Variants in IRAG1 observed in about 807,000 individuals in gnomAD.
IRAG1 encodes inositol 1,4,5-triphosphate receptor associated 1.
IRAG1 carries 62 observed loss-of-function variants against 106.2 expected under a neutral mutation model. That is an observed-to-expected ratio of 0.58 (90% confidence interval 0.48 to 0.72). IRAG1 has a LOEUF of 0.72. Ranked by LOEUF, IRAG1 falls within the 30% of genes least tolerant of loss-of-function variation. The pLI, the probability that IRAG1 is intolerant of heterozygous loss-of-function variation, is 0.00. For synonymous variants in IRAG1, 462 were observed against 443.9 expected, an observed-to-expected ratio of 1.04 and a Z score of -0.51; for missense variants, 1,064 against 1,140.7, an observed-to-expected ratio of 0.93 and a Z score of 0.97.
intron 18 of IRAG1, among the ~76,000 whole-genome samples, chr11:10,585,670 T>C (rs936344837): frequency 1.5e-5 from 2 of 132,018 alleles, no homozygotes; most frequent in Non-Finnish European, 3.4e-5. Context: ...CCCAAGATCA[T>C]ACAACCAGTG....
rs1182711559 is a variant in IRAG1, at chr11:10,576,455, G to A, written c.2616C>T (p.Tyr872=). 1.2e-6 allele frequency: 2 copies of A among 1,613,858 alleles called. No individual in the cohort carries two copies. The highest frequency in any genetic ancestry group is 1.7e-6 in the Non-Finnish European group (2 of 1,179,904). The change falls in exon 21 of 21, where the codon TAC becomes TAT. Residue 872 remains tyrosine, a synonymous_variant. Coordinates refer to ENST00000423302, the MANE Select transcript of IRAG1 (RefSeq NM_130385.4). ...MLVLTVVLGL[Y]NSYNSCAEQA... The stretch of plus-strand genomic sequence containing the variant: ...GCTCTGCACAAGAGTTATAGGAATT[G>A]TAGAGCCCCAGCACAACAGTCAAGA...
intron 1 of IRAG1, among the ~76,000 whole-genome samples, chr11:10,675,030 G>A (rs866032536): frequency 4.6e-5 from 7 of 152,238 alleles, no homozygotes; most frequent in African/African-American, 1.7e-4. Context: ...CCCGGAGCAG[G>A]AAGGAATGGG....
chr11:10,588,516 AT>A (rs1027376559), intron 18 of IRAG1, among the ~76,000 whole-genome samples: 4 of 152,036 alleles, frequency 2.6e-5, no homozygotes, highest in Non-Finnish European at 5.9e-5. Flanking sequence ...CGCCTGGCTA[AT>A]TTTTATATTT....
In IRAG1 at chr11:10,576,012, A is replaced by G; in HGVS notation, c.*320T>C. 1 of 331,854 alleles carries G rather than the reference A, an allele frequency of 3.0e-6. No homozygotes were observed. The highest frequency in any genetic ancestry group is 5.7e-6 in the Non-Finnish European group (1 of 174,388). 20.6% of individuals were successfully genotyped at this position (331,854 alleles called of 1,614,324 possible). A position where few individuals can be genotyped will look rare whatever the true frequency, so the allele number is the denominator to read the frequency against. ...CCCCGTGCCCCGCTCCTTACCCCCA[A>G]CCACCAGTGAAGGTGTTTTAGTTCT... is the stretch of plus-strand genomic sequence containing the variant. On this transcript the variant is annotated 3_prime_UTR_variant, in exon 21 of 21. Coordinates refer to ENST00000423302, the MANE Select transcript of IRAG1 (RefSeq NM_130385.4).
intron 18 of IRAG1, among the ~76,000 whole-genome samples, chr11:10,582,779 A>G (rs1851531248): frequency 6.6e-6 from 1 of 152,192 alleles, no homozygotes; most frequent in Non-Finnish European, 1.5e-5. Context: ...AACATGGTGA[A>G]ACCCCATCTC....
chr11:10,594,372 G>C (rs1406834504), intron 15 of IRAG1, 177 bp from the exon 16 acceptor site: 1 of 581,578 alleles, frequency 1.7e-6, no homozygotes, highest in Non-Finnish European at 3.1e-6. Context: ...TGGGGCTGCA[G>C]AGTGGGGGCT....
chr11:10,669,667 A>C (rs1255157357), intron 1 of IRAG1, among the ~76,000 whole-genome samples: 1 of 152,188 alleles, frequency 6.6e-6, no homozygotes, highest in Non-Finnish European at 1.5e-5. Flanking sequence ...ATGAAAGCCA[A>C]AGTCCATCCC....
intron 15 of IRAG1, chr11:10,595,867 G>C: frequency 6.6e-6 from 1 of 152,038 alleles, no homozygotes. Context: ...CCTCAAGTAG[G>C]CCTTGGTACC....
At chr11:10,629,789 A>G in intron 4 of IRAG1, 78 bp from the exon 5 acceptor site, 2 of 1,466,766 alleles carry the variant, frequency 1.4e-6, no homozygotes, top group Non-Finnish European at 1.8e-6. Context: ...ACCATGCCTC[A>G]TCCCAGGGAC....
chr11:10,626,287 G>A lies in IRAG1; in HGVS notation c.1047C>T (p.Thr349=), dbSNP rs1856240255. 6.2e-7 allele frequency: 1 copy of A among 1,612,992 alleles called. No individual in the cohort carries two copies. The highest frequency in any genetic ancestry group is 8.5e-7 in the Non-Finnish European group (1 of 1,179,490). The change falls in exon 9 of 21, where the codon ACC becomes ACT. Residue 349 remains threonine (T), a synonymous_variant. Coordinates refer to ENST00000423302, the MANE Select transcript of IRAG1 (RefSeq NM_130385.4). ...WEGSPLPRSP[T]QDAAGVGPPA... ...GGGGACCCACTCCTGCCGCATCCTG[G>A]GTTGGACTTCTCGGCAGAGGGCTGC...
At chr11:10,680,668 C>T (rs1489006381) in intron 1 of IRAG1, among the ~76,000 whole-genome samples, 4 of 152,070 alleles carry the variant, frequency 2.6e-5, no homozygotes, top group Non-Finnish European at 5.9e-5. Context: ...TGGAGCTGGG[C>T]TGCCCGGGTT....
At chr11:10,689,165 G>A (rs1031227379) in intron 1 of IRAG1, among the ~76,000 whole-genome samples, 1 of 151,824 alleles carries the variant, frequency 6.6e-6, no homozygotes, top group Non-Finnish European at 1.5e-5. Flanking sequence ...AATGAAAACG[G>A]TTATTAAACC....
intron 17 of IRAG1, 82 bp downstream of exon 17, chr11:10,593,410 C>A: frequency 8.3e-7 from 1 of 1,199,108 alleles, no homozygotes; most frequent in South Asian, 1.4e-5. Context: ...CCCATTTGGT[C>A]ACCCTCCCTG....
chr11:10,663,477 G>A lies in IRAG1; in HGVS notation c.68-11295C>T, dbSNP rs112268813. On this transcript the variant is annotated intron_variant, in intron 1 of 20. Coordinates refer to ENST00000423302, the MANE Select transcript of IRAG1 (RefSeq NM_130385.4). The stretch of plus-strand genomic sequence containing the variant: ...CTGCCTAAATCATTCACCCATTCTA[G>A]AAAAGCTTGTTGAGTGCTTCCTATG... Among the ~76,000 whole-genome samples the A allele has an allele frequency of 4.0e-3, 613 of 152,284 alleles. 7 individuals are homozygous for A. The highest frequency in any genetic ancestry group is 0.014 in the African/African-American group (571 of 41,556).
At chr11:10,600,126 A>T (rs1266765404) in intron 15 of IRAG1, among the ~76,000 whole-genome samples, 1 of 152,104 alleles carries the variant, frequency 6.6e-6, no homozygotes, top group African/African-American at 2.4e-5. Context: ...TCCTCTATTG[A>T]CTGGAGAACT....
intron 2 of IRAG1, among the ~76,000 whole-genome samples, chr11:10,639,512 T>C (rs1288532606): frequency 6.6e-6 from 1 of 152,142 alleles, no homozygotes; most frequent in Non-Finnish European, 1.5e-5. Flanking sequence ...AAAACCAGCA[T>C]AGAAGGAACT....
intron 2 of IRAG1, among the ~76,000 whole-genome samples, chr11:10,643,196 A>AAAAAAG (rs1589901771): frequency 1.3e-5 from 2 of 151,308 alleles, no homozygotes; most frequent in East Asian, 3.9e-4. Flanking sequence ...AAAAAAAAAA[A>AAAAAAG]AAAGGACTCT....
At chr11:10,671,449 C>T (rs576814170) in intron 1 of IRAG1, among the ~76,000 whole-genome samples, 70 of 152,318 alleles carry the variant, frequency 4.6e-4, no homozygotes, top group African/African-American at 1.6e-3. Context: ...TGGTAGCTCA[C>T]ACCTGTAATA....
At chr11:10,580,761 C>T (rs1334665830) in intron 19 of IRAG1, among the ~76,000 whole-genome samples, 172 bp from the exon 20 acceptor site, 1 of 152,208 alleles carries the variant, frequency 6.6e-6, no homozygotes, top group Non-Finnish European at 1.5e-5. Flanking sequence ...GCAGCTCACG[C>T]CAGTACCATT....
Sources: gnomAD v4.1 joint callset for allele counts (sites outside exome capture counted in the v4.1 genomes callset) on GRCh38, gnomAD v4.1.1 for gene constraint, MANE v1.5 for transcripts, NCBI Gene and HGNC (gene_info 2026-07-23, HGNC 2026-07-21) for gene names.